CDC42SE2: variants seen among roughly 807,000 people sequenced by gnomAD.
CDC42SE2 encodes the protein CDC42 small effector 2.
CDC42SE2 carries 3 observed loss-of-function variants against 11.5 expected under a neutral mutation model. The observed-to-expected ratio is 0.26, with a 90% CI of 0.12 to 0.67. The LOEUF is 0.67. CDC42SE2 is among the 30% of genes least tolerant of loss of function. CDC42SE2 has a pLI of 0.80. For synonymous variants in CDC42SE2, 33 were observed against 34.8 expected (o/e 0.95, Z 0.18); for missense variants, 82 against 106.8 (o/e 0.77, Z 1.02).
At chr5:131,251,327 T>G (rs771430152) in intron 1 of CDC42SE2, among the ~76,000 whole-genome samples, 1 of 151,506 alleles carries the variant, frequency 6.6e-6, no homozygotes, top group Non-Finnish European at 1.5e-5. Flanking sequence ...GAAATCACTG[T>G]GGAGATAATT....
At chr5:131,371,130 C>G (rs947193225) in intron 3 of CDC42SE2, among the ~76,000 whole-genome samples, 8 of 152,100 alleles carry the variant, frequency 5.3e-5, no homozygotes, top group African/African-American at 1.9e-4. Flanking sequence ...TAATAACTAT[C>G]TGGGGCTGGT....
At chr5:131,343,029 C>T (rs989505044) in intron 2 of CDC42SE2, among the ~76,000 whole-genome samples, 1 of 152,054 alleles carries the variant, frequency 6.6e-6, no homozygotes, top group Non-Finnish European at 1.5e-5. Flanking sequence ...TTTTGAATAA[C>T]AGTAAAGATT....
chr5:131,352,466 A>G (rs555708425), intron 2 of CDC42SE2, among the ~76,000 whole-genome samples: 1 of 152,358 alleles, frequency 6.6e-6, no homozygotes, highest in Non-Finnish European at 1.5e-5. Flanking sequence ...TTATATTTAC[A>G]TGAAACTATA....
At chr5:131,235,625 C>T in the CDC42SE2 span, among the ~76,000 whole-genome samples, 1 of 146,566 alleles carries the variant, frequency 6.8e-6, no homozygotes, top group Non-Finnish European at 1.5e-5. Flanking sequence ...GACAGAGTCT[C>T]ACTGTGTCAC....
upstream of CDC42SE2, among the ~76,000 whole-genome samples, chr5:131,262,167 G>T (rs897380960): frequency 1.5e-4 from 21 of 144,370 alleles, no homozygotes; most frequent in South Asian, 4.4e-4. Context: ...GAATTTTCTG[G>T]TTTTTTTTTT....
chr5:131,383,847 T>C (rs538504262), intron 3 of CDC42SE2, among the ~76,000 whole-genome samples: 7 of 152,356 alleles, frequency 4.6e-5, no homozygotes, highest in Non-Finnish European at 1.0e-4. Context: ...TAATATTTAC[T>C]ATCTAGCTTG....
intron 2 of CDC42SE2, among the ~76,000 whole-genome samples, chr5:131,337,084 C>T (rs1027511667): frequency 2.2e-4 from 33 of 152,076 alleles, no homozygotes; most frequent in Non-Finnish European, 4.0e-4. Context: ...CTGTTTTTTC[C>T]GCATCTTTGT....
chr5:131,332,548 C>T (rs922653038), intron 2 of CDC42SE2, among the ~76,000 whole-genome samples: 3 of 152,120 alleles, frequency 2.0e-5, no homozygotes, highest in African/African-American at 7.2e-5. Context: ...GCCACACCAA[C>T]TTCCACAATG....
At chr5:131,226,983 A>G in the CDC42SE2 span, among the ~76,000 whole-genome samples, 1 of 152,224 alleles carries the variant, frequency 6.6e-6, no homozygotes, top group Non-Finnish European at 1.5e-5. Context: ...AGTTACTAAT[A>G]TGATTCTAGC....
chr5:131,214,179 G>A, the CDC42SE2 span, among the ~76,000 whole-genome samples: 1 of 152,128 alleles, frequency 6.6e-6, no homozygotes, highest in Non-Finnish European at 1.5e-5. Context: ...AAATAACCAG[G>A]TATGAAATAA....
At chr5:131,390,845 T>C in intron 4 of CDC42SE2, 148 bp from the exon 5 acceptor site, 3 of 420,188 alleles carry the variant, frequency 7.1e-6, no homozygotes, top group South Asian at 7.7e-5. Flanking sequence ...AACTAGAAAA[T>C]TGTTTGTCTA....
intron 1 of CDC42SE2, among the ~76,000 whole-genome samples, chr5:131,312,974 TTTTTC>T (rs1264860473): frequency 4.0e-5 from 6 of 151,690 alleles, no homozygotes; most frequent in African/African-American, 1.2e-4. Flanking sequence ...CTCCCTTTTC[TTTTTC>T]TTTTCTTTTC....
intron 1 of CDC42SE2, among the ~76,000 whole-genome samples, chr5:131,279,556 T>C (rs1375692242): frequency 6.6e-6 from 1 of 151,814 alleles, no homozygotes; most frequent in African/African-American, 2.4e-5. Context: ...TTGCTTACTT[T>C]CTCTGATAAT....
At chr5:131,361,117 T>C (rs1473609635) in intron 3 of CDC42SE2, among the ~76,000 whole-genome samples, 1 of 151,482 alleles carries the variant, frequency 6.6e-6, no homozygotes, top group Non-Finnish European at 1.5e-5. Flanking sequence ...TTTTATTTAT[T>C]TATTTATTTT....
chr5:131,359,384 A>G lies in CDC42SE2; in HGVS notation c.-110A>G, dbSNP rs1323948728. ...AACAAAAACACGGTGAAATAATAAA[A>G]TTTCATCTTGGCATCACTGGACATC... On this transcript the variant is annotated 5_prime_UTR_variant, in exon 3 of 5. Transcript: ENST00000505065. The G allele has an allele frequency of 1.2e-6, 1 of 826,364 alleles. No homozygotes were observed. The highest frequency in any genetic ancestry group is 2.1e-6 in the Non-Finnish European group (1 of 468,712). The allele number at this position is 826,364 out of a possible 1,614,324, so 51.2% of individuals were successfully genotyped here. A position where few individuals can be genotyped will look rare whatever the true frequency, so the allele number is the denominator to read the frequency against.
chr5:131,302,202 G>A (rs1757698300), intron 1 of CDC42SE2, among the ~76,000 whole-genome samples: 2 of 150,222 alleles, frequency 1.3e-5, no homozygotes, highest in African/African-American at 2.5e-5. Context: ...TTTTTGAGAC[G>A]GAGTTTTGCT....
chr5:131,296,468 G>A (rs1289984635), intron 1 of CDC42SE2, among the ~76,000 whole-genome samples: 1 of 152,100 alleles, frequency 6.6e-6, no homozygotes. Flanking sequence ...AACCTGGAGG[G>A]GAAACCTTTC....
At chr5:131,216,518 A>AC in the CDC42SE2 span, among the ~76,000 whole-genome samples, 1 of 146,008 alleles carries the variant, frequency 6.8e-6, no homozygotes, top group Admixed American at 6.8e-5. Context: ...AAAAAAAAAA[A>AC]AAAACATTAT....
At chr5:131,241,874 T>TG (rs11393532), upstream of CDC42SE2, among the ~76,000 whole-genome samples, 2 of 151,896 alleles carry the variant, frequency 1.3e-5, no homozygotes, top group Non-Finnish European at 2.9e-5. Context: ...TTCCTCTTTC[T>TG]TTAATCTCTG....
Sources: gnomAD v4.1 joint callset for allele counts (sites outside exome capture counted in the v4.1 genomes callset) on GRCh38, gnomAD v4.1.1 for gene constraint, MANE v1.5 for transcripts, NCBI Gene and HGNC (gene_info 2026-07-23, HGNC 2026-07-21) for gene names.